Variants in KIAA1549 observed in about 807,000 individuals in gnomAD.
The protein encoded by KIAA1549 is UPF0606 protein KIAA1549.
A neutral mutation model predicts 156.4 loss-of-function variants in KIAA1549; 70 were observed. The observed-to-expected ratio is 0.45, with a 90% confidence interval of 0.37 to 0.55. The LOEUF is 0.55. KIAA1549 is among the 20% of genes least tolerant of loss of function. The pLI is 0.00. For synonymous variants in KIAA1549, 1,103 were observed against 1,066.4 expected, an observed-to-expected ratio of 1.03 and a Z score of -0.67; for missense variants, 2,428 against 2,540.9, an observed-to-expected ratio of 0.96 and a Z score of 0.96.
chr7:138,934,993 C>A lies in KIAA1549; in HGVS notation c.188-15555G>T, dbSNP rs544877495. Among the ~76,000 whole-genome samples, 114 of 152,308 alleles carry A rather than the reference C, an allele frequency of 7.5e-4. 3 individuals are homozygous for A. The highest frequency in any genetic ancestry group is 2.5e-3 in the African/African-American group (102 of 41,560). ...ACATTCCACAGAAAACAGAACTGGG[C>A]GCTGTTCTATCTCCAACTTGCTCAG... On this transcript the variant is annotated intron_variant, in intron 1 of 19. Transcript: ENST00000422774.
intron 1 of KIAA1549, among the ~76,000 whole-genome samples, chr7:138,949,261 G>A (rs1031132231): frequency 3.8e-4 from 58 of 152,014 alleles, no homozygotes; most frequent in African/African-American, 1.4e-3. Flanking sequence ...ACCCCAAGTC[G>A]CTGAAAGATA....
In KIAA1549 at chr7:138,917,075, C is replaced by A; in HGVS notation, c.2551G>T (p.Val851Phe). The A allele has an allele frequency of 6.2e-7, 1 of 1,608,418 alleles. No individual in the cohort carries two copies. The highest frequency in any genetic ancestry group is 2.2e-5 in the East Asian group (1 of 44,850). The change falls in exon 2 of 20, where the codon GTT (valine) becomes TTT (phenylalanine). Residue 851 changes from valine (V) to phenylalanine (F), a missense_variant. Coordinates refer to ENST00000422774, the MANE Select transcript of KIAA1549 (RefSeq NM_001164665.2). Reference sequence around the variant, plus strand: ...AGAGGGAAGGGGGTTGCTTCAGAAACAAACGAGGATCCTGATGGCAGGTAC... The same window carrying A: ...AGAGGGAAGGGGGTTGCTTCAGAAAAAAACGAGGATCCTGATGGCAGGTAC... ...DAYLPSGSSF[V>F]SEATPFPLPT...
At chr7:138,907,199 T>A in intron 5 of KIAA1549, 97 bp from the exon 6 acceptor site, 2 of 1,010,900 alleles carry the variant, frequency 2.0e-6, no homozygotes, top group South Asian at 4.1e-5. Flanking sequence ...CCGATTTTTT[T>A]AAAGGAGGTA....
intron 6 of KIAA1549, 75 bp downstream of exon 6, chr7:138,906,844 A>C: frequency 1.7e-6 from 2 of 1,191,814 alleles, no homozygotes; most frequent in Non-Finnish European, 2.3e-6. Context: ...AAAACTAAAA[A>C]AATTTTAAGA....
At chr7:138,928,112 G>T (rs865857724) in intron 1 of KIAA1549, among the ~76,000 whole-genome samples, 1 of 149,396 alleles carries the variant, frequency 6.7e-6, no homozygotes, top group East Asian at 2.0e-4. Flanking sequence ...TAGTGGAGAC[G>T]GGGTTTCACA....
intron 1 of KIAA1549, among the ~76,000 whole-genome samples, chr7:138,940,189 G>A (rs186885982): frequency 0.14 from 20,249 of 148,132 alleles, 1,512 homozygotes; most frequent in South Asian, 0.21. Flanking sequence ...AACAGGCCCC[G>A]GTGTGTGATG....
intron 1 of KIAA1549, among the ~76,000 whole-genome samples, chr7:138,934,396 T>C (rs1297823021): frequency 6.8e-6 from 1 of 146,796 alleles, no homozygotes; most frequent in Non-Finnish European, 1.5e-5. Flanking sequence ...CTGAATACAG[T>C]ATTTGCTACT....
At chr7:138,900,521 C>G (rs1811811784) in intron 8 of KIAA1549, among the ~76,000 whole-genome samples, 1 of 152,092 alleles carries the variant, frequency 6.6e-6, no homozygotes, top group Non-Finnish European at 1.5e-5. Context: ...CCAGTGATAC[C>G]CACCTTGATT....
At chr7:138,900,309 G>A (rs779893514) in intron 8 of KIAA1549, among the ~76,000 whole-genome samples, 1 of 152,164 alleles carries the variant, frequency 6.6e-6, no homozygotes. Context: ...GCTTCGTCCT[G>A]AGAACTCCCT....
chr7:138,951,317 G>A (rs973365078), intron 1 of KIAA1549, among the ~76,000 whole-genome samples: 3 of 152,068 alleles, frequency 2.0e-5, no homozygotes, highest in African/African-American at 7.2e-5. Flanking sequence ...CCGTGTCTTC[G>A]CCTCTCCCAC....
chr7:138,864,398 G>A (rs1304490263), intron 15 of KIAA1549, among the ~76,000 whole-genome samples: 1 of 152,170 alleles, frequency 6.6e-6, no homozygotes, highest in Non-Finnish European at 1.5e-5. Context: ...AATCCTGCCA[G>A]AAGGCCAGGA....
At chr7:138,877,175 T>C (rs1015956880) in intron 12 of KIAA1549, among the ~76,000 whole-genome samples, 2 of 152,142 alleles carry the variant, frequency 1.3e-5, no homozygotes, top group Non-Finnish European at 2.9e-5. Flanking sequence ...ATTACGACTT[T>C]CAACAAAAGA....
At chr7:138,911,068 A>G (rs946794436) in intron 4 of KIAA1549, 78 bp downstream of exon 4, 3 of 1,042,572 alleles carry the variant, frequency 2.9e-6, no homozygotes, top group African/African-American at 3.4e-5. Flanking sequence ...TCTAAAAATG[A>G]TTTCCAATAT....
chr7:138,877,806 C>A (rs1466473391), intron 12 of KIAA1549, among the ~76,000 whole-genome samples: 2 of 152,188 alleles, frequency 1.3e-5, no homozygotes, highest in African/African-American at 4.8e-5. Flanking sequence ...TTCAAGCTCT[C>A]GGTCCCAGAG....
chr7:138,916,740 G>A lies in KIAA1549; in HGVS notation c.2878+8C>T, dbSNP rs1812331042. 1 of 1,613,508 alleles carries A rather than the reference G, an allele frequency of 6.2e-7. No homozygotes were observed. Among genetic ancestry groups the A allele is most frequent in the Non-Finnish European group, 8.5e-7 (1 of 1,179,710 alleles). On this transcript the variant is annotated splice_region_variant and intron_variant, in intron 2 of 19. Coordinates refer to ENST00000422774, the MANE Select transcript of KIAA1549 (RefSeq NM_001164665.2). The stretch of plus-strand genomic sequence containing the variant: ...ACCCCAGAGAGGCGGCAGGAAGCTG[G>A]GCCTTACCAGTTGTGATCAGATAGG...
chr7:138,921,121 A>G (rs1209111777), intron 1 of KIAA1549, among the ~76,000 whole-genome samples: 1 of 152,220 alleles, frequency 6.6e-6, no homozygotes, highest in African/African-American at 2.4e-5. Context: ...GAAAGAACCC[A>G]ACTGAAGACC....
chr7:138,887,704 A>C (rs1467058305), intron 10 of KIAA1549, among the ~76,000 whole-genome samples: 1 of 152,244 alleles, frequency 6.6e-6, no homozygotes, highest in Non-Finnish European at 1.5e-5. Flanking sequence ...ATAAAATCAC[A>C]ATTCAAAATG....
Position 138,918,221 on chromosome 7 carries a change from C to T in KIAA1549, c.1405G>A (p.Ala469Thr), listed in dbSNP as rs1346256034. The T allele has an allele frequency of 1.2e-6, 2 of 1,613,888 alleles. No individual in the cohort carries two copies. The highest frequency in any genetic ancestry group is 1.7e-5 in the Admixed American group (1 of 60,008). ...TCTTCCTCAAATTCAGAGAAGTCTGCTACGACGCTACTCATTAGAGAGATG... is the reference window on the plus strand; with the variant it reads ...TCTTCCTCAAATTCAGAGAAGTCTGTTACGACGCTACTCATTAGAGAGATG... Reference protein sequence around the residue: ...SSISLMSSVVADFSEFEEDPQ... With the variant: ...SSISLMSSVVTDFSEFEEDPQ... Residue 469 changes from alanine to threonine, a missense_variant, in exon 2 of 20, where the codon GCA becomes ACA. This residue lies in a region of KIAA1549 where 893 missense variants were observed against 847.9 expected (regional missense o/e 1.05). Coordinates refer to ENST00000422774, the MANE Select transcript of KIAA1549 (RefSeq NM_001164665.2). The surrounding 1 kb of genome is among the most constrained non-coding windows in gnomAD (Gnocchi z 4.2).
intron 1 of KIAA1549, among the ~76,000 whole-genome samples, chr7:138,926,431 CCCA>C (rs1310939576): frequency 3.3e-5 from 5 of 151,952 alleles, no homozygotes; most frequent in African/African-American, 4.8e-5. Context: ...ATTCCAGGCG[CCCA>C]CCACCACACC....
Sources: gnomAD v4.1 joint callset for allele counts (sites outside exome capture counted in the v4.1 genomes callset) on GRCh38, gnomAD v4.1.1 for gene constraint, gnomAD v4.1.1 regional missense constraint, Gnocchi (gnomAD v3.1) non-coding constraint, MANE v1.5 for transcripts, NCBI Gene and HGNC (gene_info 2026-07-23, HGNC 2026-07-21) for gene names.